The following LCOR variants were observed in gnomAD, a reference collection of about 807,000 sequenced individuals.
The protein encoded by LCOR is ligand-dependent corepressor.
A neutral mutation model predicts 64.4 loss-of-function variants in LCOR; 14 were observed. That is an observed-to-expected ratio of 0.22 (90% CI 0.14 to 0.34). The LOEUF (loss-of-function observed/expected upper bound fraction) is 0.34, where lower values mean the gene tolerates loss of function less well. Ranked by LOEUF, LCOR falls within the 10% of genes least tolerant of loss-of-function variation. LCOR has a pLI of 1.00. For missense variants in LCOR, 1,686 were observed against 1,765.3 expected (o/e 0.96, Z 0.80); for synonymous variants, 643 against 642.5 (o/e 1.00, Z -0.01).
intron 7 of LCOR, among the ~76,000 whole-genome samples, chr10:96,977,513 T>TA (rs1224121606): frequency 6.6e-6 from 1 of 152,214 alleles, no homozygotes; most frequent in African/African-American, 2.4e-5. Flanking sequence ...TGTTCCAAGA[T>TA]AATATAATTT....
chr10:96,906,308 G>A (rs376583425), intron 2 of LCOR, among the ~76,000 whole-genome samples: 19 of 152,234 alleles, frequency 1.2e-4, no homozygotes, highest in African/African-American at 3.6e-4. Context: ...TTTCGAGGCC[G>A]CACTGAGAGT....
chr10:96,871,919 T>C (rs927045095), intron 2 of LCOR, among the ~76,000 whole-genome samples: 3 of 152,214 alleles, frequency 2.0e-5, no homozygotes, highest in Non-Finnish European at 4.4e-5. Flanking sequence ...AGTCACAATA[T>C]CTGCCACTTT....
intron 2 of LCOR, among the ~76,000 whole-genome samples, chr10:96,836,993 C>CTTT (rs1217375296): frequency 6.3e-4 from 88 of 139,882 alleles, no homozygotes; most frequent in African/African-American, 1.4e-3. Context: ...GACACAGATT[C>CTTT]TTTTTTTTTT....
intron 2 of LCOR, among the ~76,000 whole-genome samples, chr10:96,886,588 C>T (rs1308021795): frequency 1.3e-5 from 2 of 152,178 alleles, no homozygotes; most frequent in Admixed American, 1.3e-4. Context: ...GAAGAATATA[C>T]ACCACCACTT....
In LCOR at chr10:96,891,482, CTTTTTTTTTT is replaced by C. The variant is rs745839487; in HGVS notation, c.-329-15772_-329-15763del. Among the ~76,000 whole-genome samples, 42 of 28,492 alleles carry C rather than the reference CTTTTTTTTTT, an allele frequency of 1.5e-3. 1 individual carries two copies. The highest frequency in any genetic ancestry group is 2.5e-3 in the Non-Finnish European group (37 of 14,712). The allele number at this position is 28,492 out of a possible 152,430, so 18.7% of individuals were successfully genotyped here. On this transcript the variant is annotated intron_variant, in intron 2 of 7. Coordinates refer to ENST00000421806, the MANE Select transcript of LCOR (RefSeq NM_001346516.2). ...TTCATTGATACTGATTTTTCTGACT[CTTTTTTTTTT>C]TTTTTTTTTTGAGACAGGGTCTTAC... is the stretch of plus-strand genomic sequence containing the variant.
intron 4 of LCOR, among the ~76,000 whole-genome samples, chr10:96,942,453 G>A: frequency 1.1e-5 from 1 of 93,314 alleles, no homozygotes; most frequent in Non-Finnish European, 2.0e-5. Flanking sequence ...GTGGAGAGAG[G>A]GAGAGGAGGG....
rs188906698 is a variant in LCOR, at chr10:96,942,729, A to T, written c.-183-1384A>T. On this transcript the variant is annotated intron_variant, in intron 4 of 7. Coordinates refer to ENST00000421806, the MANE Select transcript of LCOR (RefSeq NM_001346516.2). ...TGCAAATATCAGTGGGTATTTTTTT[A>T]AATTTTTGAGGGAATCATTTGTGCA... Among the ~76,000 whole-genome samples, 888 of 152,214 alleles carry T rather than the reference A, an allele frequency of 5.8e-3. 15 individuals are homozygous for T. Among genetic ancestry groups the T allele is most frequent in the African/African-American group, 0.02 (845 of 41,526 alleles).
At chr10:96,966,422 G>A (rs921379747) in intron 7 of LCOR, among the ~76,000 whole-genome samples, 1 of 151,754 alleles carries the variant, frequency 6.6e-6, no homozygotes, top group Non-Finnish European at 1.5e-5. Flanking sequence ...TAGAAACGGG[G>A]TTTCACCGTG....
At chr10:96,876,618 G>C (rs12252424) in intron 2 of LCOR, among the ~76,000 whole-genome samples, 21,749 of 152,128 alleles carry the variant, frequency 0.14, 2,141 homozygotes, top group African/African-American at 0.27. Flanking sequence ...AAGTAGAAAA[G>C]ATTAATGACT....
intron 2 of LCOR, among the ~76,000 whole-genome samples, chr10:96,877,147 A>G (rs2134414044): frequency 6.6e-6 from 1 of 152,318 alleles, no homozygotes; most frequent in Non-Finnish European, 1.5e-5. Context: ...CTGGCCTAAG[A>G]TGGAAAATAA....
At chr10:96,840,027 G>A (rs1371521476) in intron 2 of LCOR, among the ~76,000 whole-genome samples, 9 of 152,160 alleles carry the variant, frequency 5.9e-5, no homozygotes, top group Admixed American at 5.9e-4. Flanking sequence ...TTTTTAAAGT[G>A]TTTGTTTGAA....
intron 4 of LCOR, among the ~76,000 whole-genome samples, chr10:96,924,414 G>A (rs1847132689): frequency 6.6e-6 from 1 of 151,046 alleles, no homozygotes; most frequent in Admixed American, 6.6e-5. Context: ...TTTGTTTTTT[G>A]TATTTTTTGT....
rs762639752 is a variant in LCOR, at chr10:96,845,449, C to CTTTTTTTTTTTTTTTT, written c.-330+11992_-330+12007dup. Among the ~76,000 whole-genome samples the CTTTTTTTTTTTTTTTT allele has an allele frequency of 1.2e-4, 6 of 48,686 alleles. 1 individual carries two copies. Among genetic ancestry groups the CTTTTTTTTTTTTTTTT allele is most frequent in the African/African-American group, 1.7e-4 (2 of 11,912 alleles). The allele number at this position is 48,686 out of a possible 152,430, so 31.9% of individuals were successfully genotyped here. A position where few individuals can be genotyped will look rare whatever the true frequency, so the allele number is the denominator to read the frequency against. On this transcript the variant is annotated intron_variant, in intron 2 of 7. Transcript: ENST00000421806. Reference sequence around the variant, plus strand: ...TTTGCCTCTTATAAATGGGCTTATCCTTTTTTTTTTTTTTTTTTTTTTTTT... The same window carrying CTTTTTTTTTTTTTTTT: ...TTTGCCTCTTATAAATGGGCTTATCCTTTTTTTTTTTTTTTTTTTTTTTTTTTTTTTTTTTTTTTTT...
chr10:96,853,638 C>G (rs12219380), intron 2 of LCOR, among the ~76,000 whole-genome samples: 1 of 152,148 alleles, frequency 6.6e-6, no homozygotes, highest in Non-Finnish European at 1.5e-5. Context: ...GTAGGTTGAC[C>G]TAAGTTGGGA....
At chr10:96,844,772 C>T (rs1481664545) in intron 2 of LCOR, among the ~76,000 whole-genome samples, 1 of 152,166 alleles carries the variant, frequency 6.6e-6, no homozygotes, top group Non-Finnish European at 1.5e-5. Flanking sequence ...CTGAGTGATA[C>T]TGATTCTACG....
intron 4 of LCOR, among the ~76,000 whole-genome samples, chr10:96,924,689 G>C (rs1029431404): frequency 6.6e-6 from 1 of 151,154 alleles, no homozygotes; most frequent in Non-Finnish European, 1.5e-5. Flanking sequence ...TTTGTTCTTT[G>C]TCATAATTAC....
At chr10:96,939,735 G>A (rs895693452) in intron 4 of LCOR, among the ~76,000 whole-genome samples, 23 of 152,218 alleles carry the variant, frequency 1.5e-4, no homozygotes, top group Admixed American at 2.6e-4. Flanking sequence ...AGGCCGAGGC[G>A]GGCGGATCAC....
At chr10:96,912,574 G>T (rs1037638418) in intron 4 of LCOR, among the ~76,000 whole-genome samples, 5 of 141,622 alleles carry the variant, frequency 3.5e-5, no homozygotes, top group African/African-American at 1.4e-4. Flanking sequence ...GGTGCTGTCT[G>T]CCTCTTTTCT....
chr10:96,844,124 C>T (rs1454030269), intron 2 of LCOR, among the ~76,000 whole-genome samples: 1 of 109,698 alleles, frequency 9.1e-6, no homozygotes, highest in Non-Finnish European at 1.8e-5. Context: ...CCCCTCCCTC[C>T]CTTCCTTCCC....
Sources: allele counts gnomAD v4.1 joint callset (sites outside exome capture counted in the v4.1 genomes callset), GRCh38; gene constraint gnomAD v4.1.1; transcripts MANE v1.5; gene names NCBI Gene and HGNC (gene_info 2026-07-23, HGNC 2026-07-21).